LMO7: variants seen among roughly 807,000 people sequenced by gnomAD.
LMO7 encodes LIM domain 7.
LMO7 carries 120 observed loss-of-function variants against 206.5 expected under a neutral mutation model. The ratio of observed to expected loss-of-function variants is 0.58; its 90% confidence interval spans 0.50 to 0.68. The LOEUF is 0.68. Among genes scored for constraint, LMO7 ranks in the 30% least tolerant of loss-of-function variants. The probability of loss-of-function intolerance (pLI) is 0.00; values close to 1 mark genes in which losing one functional copy is unlikely to be tolerated. For synonymous variants in LMO7, 706 were observed against 681.5 expected (o/e 1.04, Z -0.56); for missense variants, 1,959 against 1,957.9 (o/e 1.00, Z -0.01).
intron 2 of LMO7, among the ~76,000 whole-genome samples, chr13:75,713,525 G>T (rs991527302): frequency 6.6e-5 from 10 of 152,140 alleles, no homozygotes; most frequent in African/African-American, 1.9e-4. Context: ...GGGCCAGTGG[G>T]GGGTGGGTGA....
intron 1 of LMO7, among the ~76,000 whole-genome samples, chr13:75,652,048 A>G (rs994243307): frequency 1.3e-5 from 2 of 152,140 alleles, no homozygotes; most frequent in Non-Finnish European, 2.9e-5. Context: ...TGCCACATTT[A>G]CTTTCTGACT....
chr13:75,731,919 G>T (rs2045276838), intron 3 of LMO7, among the ~76,000 whole-genome samples: 3 of 151,968 alleles, frequency 2.0e-5, no homozygotes, highest in Admixed American at 1.3e-4. Flanking sequence ...GAAATTCTGG[G>T]TTGAAAATTC....
chr13:75,791,289 A>T (rs1191292662), intron 4 of LMO7, among the ~76,000 whole-genome samples: 2 of 152,094 alleles, frequency 1.3e-5, no homozygotes, highest in Admixed American at 6.5e-5. Flanking sequence ...ATTCTATTTT[A>T]TTGCAATTTA....
intron 1 of LMO7, among the ~76,000 whole-genome samples, chr13:75,679,094 C>G (rs555210113): frequency 1.3e-5 from 2 of 152,240 alleles, no homozygotes; most frequent in Non-Finnish European, 2.9e-5. Context: ...GTTTTTTCCC[C>G]CCTTTCTTTT....
intron 3 of LMO7, among the ~76,000 whole-genome samples, chr13:75,740,888 A>G (rs1417558307): frequency 6.6e-6 from 1 of 152,250 alleles, no homozygotes; most frequent in Non-Finnish European, 1.5e-5. Flanking sequence ...GTTTTTTGGT[A>G]CATTAGATAA....
At chr13:75,856,464 G>C (rs374175031) in intron 29 of LMO7, 42 bp from the exon 30 acceptor site, 1 of 1,254,414 alleles carries the variant, frequency 8.0e-7, no homozygotes, top group African/African-American at 1.5e-5. Flanking sequence ...AAGCTTTCTT[G>C]AGCTGACTGA....
intron 1 of LMO7, among the ~76,000 whole-genome samples, chr13:75,693,644 T>C (rs1403374154): frequency 1.3e-5 from 2 of 152,214 alleles, no homozygotes; most frequent in Admixed American, 1.3e-4. Flanking sequence ...GTTTCAGACT[T>C]CTCCTCTCCT....
At chr13:75,724,808 T>G (rs1667905126) in intron 2 of LMO7, among the ~76,000 whole-genome samples, 1 of 152,206 alleles carries the variant, frequency 6.6e-6, no homozygotes. Flanking sequence ...CGTCTTGTAG[T>G]CCTTAGAATT....
chr13:75,790,697 G>C (rs908063741), intron 4 of LMO7, among the ~76,000 whole-genome samples: 2 of 152,144 alleles, frequency 1.3e-5, no homozygotes, highest in African/African-American at 2.4e-5. Flanking sequence ...GATGATTAGA[G>C]CTGCATGAGT....
chr13:75,699,475 A>G (rs1056723843), intron 1 of LMO7, among the ~76,000 whole-genome samples: 1 of 143,214 alleles, frequency 7.0e-6, no homozygotes, highest in East Asian at 2.0e-4. Context: ...GTTATTTTCT[A>G]TTTTCCCTAA....
chr13:75,713,651 A>G lies in LMO7; in HGVS notation c.140+399A>G, dbSNP rs181892227. Among the ~76,000 whole-genome samples, 709 of 152,276 alleles carry G rather than the reference A, an allele frequency of 4.7e-3. 5 individuals are homozygous for G. Among genetic ancestry groups the G allele is most frequent in the Non-Finnish European group, 6.9e-3 (466 of 68,018 alleles). ...AAAATCTTTGCTTCATCAATAAATC[A>G]TGATGATTGGAGTGGTAGATTTTTC... On this transcript the variant is annotated intron_variant, in intron 2 of 30. Transcript: ENST00000377534.
At chr13:75,735,508 C>A (rs1273940017) in intron 3 of LMO7, among the ~76,000 whole-genome samples, 12 of 152,108 alleles carry the variant, frequency 7.9e-5, no homozygotes, top group Non-Finnish European at 8.8e-5. Flanking sequence ...TGTCGCTGGG[C>A]TGGAGAGCAG....
intron 3 of LMO7, among the ~76,000 whole-genome samples, chr13:75,740,200 G>T (rs1166733531): frequency 6.6e-6 from 1 of 152,194 alleles, no homozygotes; most frequent in African/African-American, 2.4e-5. Flanking sequence ...GTTGCTCTGT[G>T]CTGGGTCAAG....
intron 1 of LMO7, among the ~76,000 whole-genome samples, chr13:75,646,606 G>C (rs1246455824): frequency 6.7e-6 from 1 of 150,010 alleles, no homozygotes; most frequent in African/African-American, 2.5e-5. Context: ...TTTTTGAGAT[G>C]GAGTTTCACT....
intron 2 of LMO7, among the ~76,000 whole-genome samples, chr13:75,722,728 AGCGC>A (rs1229821335): frequency 6.6e-6 from 1 of 152,224 alleles, no homozygotes; most frequent in Admixed American, 6.5e-5. Context: ...TGTTTATAGC[AGCGC>A]AATTTGCACT....
At chr13:75,747,315 G>T (rs1333444563) in intron 3 of LMO7, among the ~76,000 whole-genome samples, 1 of 151,988 alleles carries the variant, frequency 6.6e-6, no homozygotes, top group East Asian at 1.9e-4. Context: ...AATTTGACTA[G>T]CCCATGGTTC....
chr13:75,690,031 C>T (rs998270815), intron 1 of LMO7, among the ~76,000 whole-genome samples: 62 of 151,624 alleles, frequency 4.1e-4, no homozygotes, highest in East Asian at 1.7e-3. Context: ...GAACCCTTTC[C>T]GACTAAAGAG....
intron 7 of LMO7, among the ~76,000 whole-genome samples, chr13:75,801,237 C>CAAA (rs200955354): frequency 6.3e-4 from 72 of 113,436 alleles, no homozygotes; most frequent in Admixed American, 2.1e-3. Context: ...TAAGATTCTG[C>CAAA]AAAAAAAAAA....
chr13:75,819,808 G>A (rs754413140), intron 13 of LMO7, among the ~76,000 whole-genome samples: 3 of 152,204 alleles, frequency 2.0e-5, no homozygotes, highest in Admixed American at 6.5e-5. Flanking sequence ...GAATTGGATG[G>A]TGTTGGCTGT....
Sources: allele counts gnomAD v4.1 joint callset (sites outside exome capture counted in the v4.1 genomes callset), GRCh38; gene constraint gnomAD v4.1.1; transcripts MANE v1.5; gene names NCBI Gene and HGNC (gene_info 2026-07-23, HGNC 2026-07-21).